Variants in TNNT1 observed in about 807,000 individuals in gnomAD.
The protein encoded by TNNT1 is troponin T, slow skeletal muscle.
In TNNT1, 53 loss-of-function variants were observed where a neutral mutation model predicts 50.6. That is an observed-to-expected ratio of 1.05 (90% confidence interval 0.84 to 1.32). The LOEUF (loss-of-function observed/expected upper bound fraction) is 1.32. Ranked by LOEUF, TNNT1 falls within the 40% of genes most tolerant of loss-of-function variation. The probability of loss-of-function intolerance (pLI) is 0.00; values close to 1 mark genes in which losing one functional copy is unlikely to be tolerated. For synonymous variants in TNNT1, 142 were observed against 138.0 expected (o/e 1.03, Z -0.20); for missense variants, 348 against 381.7 (o/e 0.91, Z 0.74).
At position 55,145,114 on chromosome 19, in the gene TNNT1, C is replaced by A. The variant is rs563937960; in HGVS notation, c.128+430G>T. On this transcript the variant is annotated intron_variant, in intron 6 of 13. Transcript: ENST00000588981. ...TTCAAGACCAGCCTAAGCAACATAG[C>A]AAGACCTCATCTCTACAAAAAGAAA... is the stretch of plus-strand genomic sequence containing the variant. Among the ~76,000 whole-genome samples, 14 of 141,122 alleles carry A rather than the reference C, an allele frequency of 9.9e-5. No individual in the cohort carries two copies. The South Asian group carries it at 2.3e-3, about 23-fold the overall frequency. The allele number at this position is 141,122 out of a possible 152,430, so 92.6% of individuals were successfully genotyped here.
At position 55,145,529 on chromosome 19, in the gene TNNT1, C is replaced by G. The variant is rs777113369; in HGVS notation, c.128+15G>C. 7 of 1,613,432 alleles carry G rather than the reference C, an allele frequency of 4.3e-6. No individual in the cohort carries two copies. The East Asian group carries it at 6.7e-5, about 15-fold the overall frequency. ...AAGATGTATGACTGGGGCCCCCCAC[C>G]CTGTAGGATCTCACCTTGGTTTGGG... On this transcript the variant is annotated intron_variant, in intron 6 of 13. Transcript: ENST00000588981.
At chr19:55,138,989 T>G (rs373503088) in intron 9 of TNNT1, among the ~76,000 whole-genome samples, 1 of 152,210 alleles carries the variant, frequency 6.6e-6, no homozygotes, top group African/African-American at 2.4e-5. Flanking sequence ...ACTCCGTACC[T>G]GAATTAGTTT....
chr19:55,140,973 G>T lies in TNNT1; in HGVS notation c.310-13C>A. 6.2e-7 allele frequency: 1 copy of T among 1,613,760 alleles called. No individual in the cohort carries two copies. The highest frequency in any genetic ancestry group is 8.5e-7 in the Non-Finnish European group (1 of 1,179,902). Reference sequence around the variant, plus strand: ...ACCGGCGCCGCTCCTGGGAAACGGAGAAGCATAAGGGGGTGCAGGGACGTA... The same window carrying T: ...ACCGGCGCCGCTCCTGGGAAACGGATAAGCATAAGGGGGTGCAGGGACGTA... On this transcript the variant is annotated splice_polypyrimidine_tract_variant and intron_variant, in intron 8 of 13. Transcript: ENST00000588981.
intron 11 of TNNT1, among the ~76,000 whole-genome samples, chr19:55,135,727 A>T (rs2147241575): frequency 6.6e-6 from 1 of 152,102 alleles, no homozygotes; most frequent in Non-Finnish European, 1.5e-5. Context: ...GGATTTCATC[A>T]TATTGGTCAG....
intron 6 of TNNT1, 175 bp downstream of exon 6, chr19:55,145,369 A>C: frequency 1.6e-6 from 1 of 629,048 alleles, no homozygotes; most frequent in Non-Finnish European, 2.8e-6. Context: ...AGGAGGGAGG[A>C]GGAGGGAGAG....
intron 6 of TNNT1, 30 bp from the exon 7 acceptor site, chr19:55,141,950 G>C (rs1161534428): frequency 6.2e-7 from 1 of 1,612,496 alleles, no homozygotes; most frequent in Non-Finnish European, 8.5e-7. Context: ...GAGACCATGA[G>C]TGGCCCGACC....
intron 6 of TNNT1, among the ~76,000 whole-genome samples, chr19:55,142,983 G>A (rs2085486618): frequency 6.6e-6 from 1 of 151,622 alleles, no homozygotes; most frequent in Non-Finnish European, 1.5e-5. Context: ...GGGCATCATG[G>A]TGAAACCCCA....
chr19:55,146,744 C>A, intron 3 of TNNT1, 37 bp from the exon 4 acceptor site: 2 of 1,470,800 alleles, frequency 1.4e-6, no homozygotes, highest in Non-Finnish European at 1.8e-6. Flanking sequence ...GCGTTAGGAG[C>A]TGGGGGAGGG....
Position 55,145,569 on chromosome 19 carries a change from TTGG to T in TNNT1, c.107-7_107-5del, listed in dbSNP as rs2085534010. ...CTTGGTTTGGGGCGTTCCTCTTCTG[TTGG>T]TGGTGGGGGATAAAAAGAGATAATT... On this transcript the variant is annotated splice_region_variant and splice_polypyrimidine_tract_variant and intron_variant, in intron 5 of 13. Transcript: ENST00000588981. 1.2e-6 allele frequency: 2 copies of T among 1,613,430 alleles called. No homozygotes were observed. The highest frequency in any genetic ancestry group is 3.3e-5 in the Admixed American group (2 of 59,968).
At chr19:55,143,446 G>A (rs146534494) in intron 6 of TNNT1, among the ~76,000 whole-genome samples, 1 of 152,136 alleles carries the variant, frequency 6.6e-6, no homozygotes, top group Non-Finnish European at 1.5e-5. Flanking sequence ...AGTGAAGAGC[G>A]ATTCCAAGAT....
At chr19:55,148,867 G>C (rs1355739828) in intron 1 of TNNT1, among the ~76,000 whole-genome samples, 2 of 151,976 alleles carry the variant, frequency 1.3e-5, no homozygotes, top group East Asian at 3.9e-4. Context: ...ATCCCTGACT[G>C]CTGAGATTTC....
rs766223679 is a variant in TNNT1, at chr19:55,141,982, C to A, written c.129-62G>T. ...GACCTCCCTGAGCCACCTCCCACCTCCGGGATGTGCCGTCCAGTGAGGTAG... is the reference window on the plus strand; with the variant it reads ...GACCTCCCTGAGCCACCTCCCACCTACGGGATGTGCCGTCCAGTGAGGTAG... On this transcript the variant is annotated intron_variant, in intron 6 of 13. Transcript: ENST00000588981. The A allele has an allele frequency of 2.6e-6, 4 of 1,546,036 alleles. No homozygotes were observed. In the African/African-American group the frequency reaches 5.4e-5, roughly 21 times the overall value.
At chr19:55,148,452 C>T (rs370984474) in intron 1 of TNNT1, among the ~76,000 whole-genome samples, 2 of 152,060 alleles carry the variant, frequency 1.3e-5, no homozygotes, top group African/African-American at 4.8e-5. Context: ...GGGTGCCTAG[C>T]CCCAAATCCC....
At chr19:55,146,375 A>G in intron 5 of TNNT1, 59 bp downstream of exon 5, 2 of 1,280,560 alleles carry the variant, frequency 1.6e-6, no homozygotes, top group Non-Finnish European at 2.0e-6. Flanking sequence ...GCCCGAGGAT[A>G]TCGGGGGTCC....
At chr19:55,142,974 G>A (rs1421691670) in intron 6 of TNNT1, among the ~76,000 whole-genome samples, 1 of 151,640 alleles carries the variant, frequency 6.6e-6, no homozygotes, top group East Asian at 2.0e-4. Context: ...AACCAGCTTG[G>A]GCATCATGGT....
At chr19:55,139,265 G>A (rs2085409390) in intron 9 of TNNT1, among the ~76,000 whole-genome samples, 2 of 152,322 alleles carry the variant, frequency 1.3e-5, no homozygotes, top group Admixed American at 1.3e-4. Flanking sequence ...CTCCCAAAGT[G>A]CTGGGATTAC....
intron 12 of TNNT1, 33 bp from the exon 13 acceptor site, chr19:55,133,960 C>T (rs1032207498): frequency 1.7e-5 from 27 of 1,607,804 alleles, no homozygotes; most frequent in African/African-American, 1.0e-4. Flanking sequence ...CTGGGACAGC[C>T]GGTGGGGACG....
chr19:55,141,766 C>A, intron 7 of TNNT1, 91 bp downstream of exon 7: 1 of 1,480,130 alleles, frequency 6.8e-7, no homozygotes, highest in Non-Finnish European at 9.4e-7. Flanking sequence ...AGGCATGAGG[C>A]CCCGCGCCCG....
intron 11 of TNNT1, among the ~76,000 whole-genome samples, chr19:55,136,591 T>C (rs2085349546): frequency 6.6e-6 from 1 of 152,176 alleles, no homozygotes; most frequent in Non-Finnish European, 1.5e-5. Context: ...GGCGCCACTC[T>C]GGGGTGGTTG....
Sources: allele counts gnomAD v4.1 joint callset (sites outside exome capture counted in the v4.1 genomes callset), GRCh38; gene constraint gnomAD v4.1.1; transcripts MANE v1.5; gene names NCBI Gene and HGNC (gene_info 2026-07-23, HGNC 2026-07-21).